Variants in BTNL9 observed in about 807,000 individuals in gnomAD.
BTNL9 encodes butyrophilin-like protein 9.
In BTNL9, 45 loss-of-function variants were observed where a neutral mutation model predicts 45.8. The ratio of observed to expected loss-of-function variants is 0.98; its 90% CI spans 0.77 to 1.26. The LOEUF (loss-of-function observed/expected upper bound fraction) is 1.26, where lower values mean the gene tolerates loss of function less well. Ranked by LOEUF, BTNL9 falls within the 50% of genes most tolerant of loss-of-function variation. The pLI, the probability that BTNL9 is intolerant of heterozygous loss-of-function variation, is 0.00. For synonymous variants in BTNL9, 346 were observed against 330.8 expected, an observed-to-expected ratio of 1.05 and a Z score of -0.50; for missense variants, 784 against 729.7, an observed-to-expected ratio of 1.07 and a Z score of -0.86.
intron 3 of BTNL9, among the ~76,000 whole-genome samples, chr5:181,049,552 G>A (rs913559638): frequency 3.9e-5 from 6 of 152,218 alleles, no homozygotes; most frequent in African/African-American, 7.2e-5. Flanking sequence ...GAGATTGGCC[G>A]CTGAGGGTGA....
chr5:181,047,327 T>C (rs181723944), intron 2 of BTNL9, among the ~76,000 whole-genome samples: 8 of 152,308 alleles, frequency 5.3e-5, no homozygotes, highest in African/African-American at 1.9e-4. Flanking sequence ...AAGGAAGGAT[T>C]TGGTTGGCCT....
At chr5:181,047,170 A>C (rs1761227508) in intron 2 of BTNL9, among the ~76,000 whole-genome samples, 1 of 152,152 alleles carries the variant, frequency 6.6e-6, no homozygotes, top group Non-Finnish European at 1.5e-5. Context: ...GTGGCAGGGA[A>C]CCGTGCGTGC....
chr5:181,056,086 T>G, intron 9 of BTNL9, 71 bp downstream of exon 9: 1 of 1,549,484 alleles, frequency 6.5e-7, no homozygotes, highest in African/African-American at 1.4e-5. Flanking sequence ...CTCACCTGAT[T>G]AACCAATCAG....
intron 1 of BTNL9, among the ~76,000 whole-genome samples, chr5:181,041,389 TAA>T (rs1760769148): frequency 6.6e-6 from 1 of 152,232 alleles, no homozygotes; most frequent in African/African-American, 2.4e-5. Flanking sequence ...ATAGAGTAAG[TAA>T]GAGTGAGAGA....
In BTNL9 at chr5:181,050,554, A is replaced by C. The variant is rs1482294039; in HGVS notation, c.736+185A>C. On this transcript the variant is annotated intron_variant, in intron 4 of 10. Coordinates refer to ENST00000327705, the MANE Select transcript of BTNL9 (RefSeq NM_152547.5). The surrounding 1 kb of genome is among the most constrained non-coding windows in gnomAD (Gnocchi z 4.9). The stretch of plus-strand genomic sequence containing the variant: ...ACACTAAGAACGCTACTGAGAACCC[A>C]AACAGTCAGTGAGAGAGGCCCCAGA... 3.3e-5 allele frequency among the ~76,000 whole-genome samples: 5 copies of C among 152,186 alleles called. No individual in the cohort carries two copies. Among genetic ancestry groups the C allele is most frequent in the African/African-American group, 9.7e-5 (4 of 41,442 alleles).
rs1346903524 is a variant in BTNL9, at chr5:181,059,446, C to T, written c.1192C>T (p.Leu398=). The change falls in exon 11 of 11, where the codon CTG becomes TTG. Residue 398 remains leucine (L), a synonymous_variant. Transcript: ENST00000327705. The part of the protein sequence containing the change: ...VHVGRRSRWF[L]GACLAAVPRA... The stretch of plus-strand genomic sequence containing the variant: ...CGTGGGCCGCCGCAGCCGCTGGTTC[C>T]TGGGCGCCTGCCTGGCCGCGGTGCC... 2 of 1,465,516 alleles carry T rather than the reference C, an allele frequency of 1.4e-6. No homozygotes were observed. The highest frequency in any genetic ancestry group is 9.0e-7 in the Non-Finnish European group (1 of 1,114,268). 90.8% of individuals were successfully genotyped at this position (1,465,516 alleles called of 1,614,324 possible).
intron 7 of BTNL9, chr5:181,054,578 A>G (rs1299257292): frequency 1.4e-5 from 14 of 985,346 alleles, no homozygotes; most frequent in African/African-American, 1.7e-5. Flanking sequence ...AAATGGCACT[A>G]GGAAGGGTGG....
intron 9 of BTNL9, chr5:181,056,676 A>G: frequency 1.4e-6 from 1 of 711,510 alleles, no homozygotes; most frequent in Non-Finnish European, 2.6e-6. Flanking sequence ...TATAACTAGG[A>G]GGGGGACTGC....
chr5:181,058,493 C>T (rs768720038), intron 10 of BTNL9, 115 bp downstream of exon 10: 2 of 1,386,958 alleles, frequency 1.4e-6, no homozygotes, highest in Non-Finnish European at 2.1e-6. Flanking sequence ...AGTATGGGGC[C>T]TGCACACACA....
In BTNL9 at chr5:181,059,908, C is replaced by T; in HGVS notation, c.*46C>T. 3 of 1,453,372 alleles carry T rather than the reference C, an allele frequency of 2.1e-6. No individual in the cohort carries two copies. The highest frequency in any genetic ancestry group is 2.7e-6 in the Non-Finnish European group (3 of 1,093,806). The allele number at this position is 1,453,372 out of a possible 1,614,324, so 90.0% of individuals were successfully genotyped here. On this transcript the variant is annotated 3_prime_UTR_variant, in exon 11 of 11. Coordinates refer to ENST00000327705, the MANE Select transcript of BTNL9 (RefSeq NM_152547.5). ...ACTGGCCCCGGGGGGCCCCCTGGAT[C>T]CCAGGCCAGCGCTTTGCTCTCCTGC...
In BTNL9 at chr5:181,061,482, G is replaced by A. The variant is rs1762132222; in HGVS notation, c.*1620G>A. 1 of 152,174 alleles carries A rather than the reference G, an allele frequency of 6.6e-6. No homozygotes were observed. The highest frequency in any genetic ancestry group is 2.4e-5 in the African/African-American group (1 of 41,440). The allele number at this position is 152,174 out of a possible 1,614,324, so 9.4% of individuals were successfully genotyped here. A position where few individuals can be genotyped will look rare whatever the true frequency, so the allele number is the denominator to read the frequency against. ...TTTTTTAATGTTCAATAATGTATAT[G>A]TATCAGTTCTGTAATAAAGGGGAAA... On this transcript the variant is annotated 3_prime_UTR_variant, in exon 11 of 11. Transcript: ENST00000327705.
chr5:181,054,688 AG>A (rs1761782463), intron 7 of BTNL9: 8 of 985,076 alleles, frequency 8.1e-6, no homozygotes, highest in Middle Eastern at 5.2e-4. Flanking sequence ...CTCTGTAGAG[AG>A]GAAGAGAGAG....
At chr5:181,052,319 G>C (rs1384368204) in intron 4 of BTNL9, among the ~76,000 whole-genome samples, 1 of 152,174 alleles carries the variant, frequency 6.6e-6, no homozygotes, top group Non-Finnish European at 1.5e-5. Flanking sequence ...AGGGGCTTGG[G>C]CGTGGGAAGA....
At position 181,048,262 on chromosome 5, in the gene BTNL9, G is replaced by C; in HGVS notation, c.445G>C (p.Glu149Gln). The C allele has an allele frequency of 6.2e-7, 1 of 1,609,798 alleles. No individual in the cohort carries two copies. Among genetic ancestry groups the C allele is most frequent in the Non-Finnish European group, 8.5e-7 (1 of 1,177,366 alleles). Residue 149 changes from glutamate to glutamine, a missense_variant, in exon 3 of 11, where the codon GAG (glutamate) becomes CAG (glutamine). Coordinates refer to ENST00000327705, the MANE Select transcript of BTNL9 (RefSeq NM_152547.5). Reference sequence around the variant, plus strand: ...CTCTGGCGAAGCTCTCTGGGAACTGGAGGTAGCAGGTGCGTGGACTGACCT... The same window carrying C: ...CTCTGGCGAAGCTCTCTGGGAACTGCAGGTAGCAGGTGCGTGGACTGACCT... ...NFSGEALWEL[E>Q]VAGLGSDPHL...
intron 1 of BTNL9, among the ~76,000 whole-genome samples, chr5:181,041,288 A>C (rs1760763923): frequency 6.6e-6 from 1 of 152,216 alleles, no homozygotes; most frequent in Admixed American, 6.5e-5. Flanking sequence ...CCAGGTTCGG[A>C]GATGTCCTTG....
In BTNL9 at chr5:181,053,096, G is replaced by A. The variant is rs1761660582; in HGVS notation, c.737-104G>A. ...CCAGGCGGCTGCGGTGGCGCCCGGA[G>A]AAGGTCCCGCGGGAGGTTTCCCGGC... On this transcript the variant is annotated intron_variant, in intron 4 of 10. Transcript: ENST00000327705. This position sits in a 1 kb window ranked among gnomAD's most constrained non-coding sequence, Gnocchi z 6.5. 1 of 1,001,694 alleles carries A rather than the reference G, an allele frequency of 1.0e-6. No individual in the cohort carries two copies. The highest frequency in any genetic ancestry group is 1.6e-5 in the South Asian group (1 of 61,832). 62.1% of individuals were successfully genotyped at this position (1,001,694 alleles called of 1,614,324 possible).
chr5:181,047,560 T>A, intron 2 of BTNL9: 1 of 929,398 alleles, frequency 1.1e-6, no homozygotes, highest in Non-Finnish European at 1.3e-6. Context: ...GTTTTTTACT[T>A]AAGATAATAT....
At chr5:181,048,509 C>A (rs1484475049) in intron 3 of BTNL9, among the ~76,000 whole-genome samples, 1 of 151,826 alleles carries the variant, frequency 6.6e-6, no homozygotes, top group Admixed American at 6.6e-5. Context: ...AATCCCAGCA[C>A]TTTGGTAGAC....
At chr5:181,043,286 G>C (rs1195305110) in intron 1 of BTNL9, 1 of 149,686 alleles carries the variant, frequency 6.7e-6, no homozygotes, top group Non-Finnish European at 1.5e-5. Flanking sequence ...GTGCATGTGT[G>C]TGTGTCTGTG....
Sources: gnomAD v4.1 joint callset for allele counts (sites outside exome capture counted in the v4.1 genomes callset) on GRCh38, gnomAD v4.1.1 for gene constraint, Gnocchi (gnomAD v3.1) non-coding constraint, MANE v1.5 for transcripts, NCBI Gene and HGNC (gene_info 2026-07-23, HGNC 2026-07-21) for gene names.